The following KAZN variants were observed in gnomAD, a reference collection of about 807,000 sequenced individuals.
The protein encoded by KAZN is kazrin.
Under a neutral mutation model 87.4 loss-of-function variants are expected in KAZN, and 40 were observed. The ratio of observed to expected loss-of-function variants is 0.46; its 90% CI spans 0.36 to 0.60. KAZN has a LOEUF of 0.60. Among genes scored for constraint, KAZN ranks in the 20% least tolerant of loss-of-function variants. The probability of loss-of-function intolerance (pLI) is 0.00; values close to 1 mark genes in which losing one functional copy is unlikely to be tolerated. For synonymous variants in KAZN, 466 were observed against 458.3 expected, an observed-to-expected ratio of 1.02 and a Z score of -0.22; for missense variants, 898 against 1,073.9, an observed-to-expected ratio of 0.84 and a Z score of 2.29.
chr1:14,561,852 C>T (rs1201597088), intron 2 of KAZN, among the ~76,000 whole-genome samples: 4 of 151,468 alleles, frequency 2.6e-5, no homozygotes, highest in African/African-American at 7.3e-5. Context: ...TGCAGTGAGC[C>T]GAGATCGTGC....
intron 8 of KAZN, among the ~76,000 whole-genome samples, chr1:15,075,970 A>G (rs1639720811): frequency 6.6e-6 from 1 of 152,150 alleles, no homozygotes; most frequent in South Asian, 2.1e-4. Context: ...TTTCCCTGGG[A>G]CAGGCCAGAG....
chr1:15,090,044 A>G (rs529874416), intron 8 of KAZN, among the ~76,000 whole-genome samples: 84 of 152,332 alleles, frequency 5.5e-4, no homozygotes, highest in African/African-American at 2.0e-3. Flanking sequence ...TCATCCTGGT[A>G]TCTGCAACTT....
intron 1 of KAZN, among the ~76,000 whole-genome samples, chr1:14,694,235 C>G (rs1259902645): frequency 6.6e-6 from 1 of 152,242 alleles, no homozygotes; most frequent in African/African-American, 2.4e-5. Context: ...GAGATCAACT[C>G]AGGCAGCTCC....
intron 1 of KAZN, among the ~76,000 whole-genome samples, chr1:14,035,790 G>A (rs1377132980): frequency 6.6e-6 from 1 of 151,958 alleles, no homozygotes; most frequent in Non-Finnish European, 1.5e-5. Flanking sequence ...TGCCATTCCT[G>A]TAGGGGTTTT....
intron 2 of KAZN, among the ~76,000 whole-genome samples, chr1:15,006,992 G>A (rs1028343314): frequency 6.8e-6 from 1 of 146,044 alleles, no homozygotes; most frequent in Non-Finnish European, 1.5e-5. Context: ...GGGAGGCGGA[G>A]CTTGCAGTGA....
chr1:14,461,076 C>A (rs147076185), intron 2 of KAZN, among the ~76,000 whole-genome samples: 4 of 152,232 alleles, frequency 2.6e-5, no homozygotes, highest in Non-Finnish European at 4.4e-5. Flanking sequence ...GTTTTGGAGC[C>A]TTGTGAAATT....
At chr1:14,693,566 T>C (rs1284648392) in intron 1 of KAZN, among the ~76,000 whole-genome samples, 1 of 152,198 alleles carries the variant, frequency 6.6e-6, no homozygotes, top group Non-Finnish European at 1.5e-5. Flanking sequence ...CCACTGCTGG[T>C]ATAGAAACTT....
intron 1 of KAZN, among the ~76,000 whole-genome samples, chr1:14,051,224 A>G (rs1642313838): frequency 6.6e-6 from 1 of 152,142 alleles, no homozygotes; most frequent in Non-Finnish European, 1.5e-5. Flanking sequence ...TCAAGGGTGG[A>G]GATAAGGAAT....
At chr1:14,554,057 C>T (rs1190017867) in intron 2 of KAZN, among the ~76,000 whole-genome samples, 1 of 152,160 alleles carries the variant, frequency 6.6e-6, no homozygotes, top group African/African-American at 2.4e-5. Context: ...AGACAGACCT[C>T]AGCTGAGTCC....
At chr1:14,360,816 G>A (rs772618242) in intron 2 of KAZN, among the ~76,000 whole-genome samples, 10 of 152,170 alleles carry the variant, frequency 6.6e-5, no homozygotes, top group East Asian at 3.9e-4. Context: ...TGGAAGCTTC[G>A]TCCCAGAGGG....
chr1:14,570,432 T>C (rs1225317207), intron 2 of KAZN, among the ~76,000 whole-genome samples: 1 of 152,206 alleles, frequency 6.6e-6, no homozygotes, highest in Non-Finnish European at 1.5e-5. Context: ...TCACCACTGA[T>C]CGACTTTCTG....
Position 15,104,204 on chromosome 1 carries a change from G to A in KAZN, c.2048+15G>A, listed in dbSNP as rs1557802348. 3 of 1,560,816 alleles carry A rather than the reference G, an allele frequency of 1.9e-6. No individual in the cohort carries two copies. Among genetic ancestry groups the A allele is most frequent in the Non-Finnish European group, 2.6e-6 (3 of 1,152,586 alleles). The stretch of plus-strand genomic sequence containing the variant: ...CACCCAGCCAAGTGAGCACGGGCTG[G>A]GATCCAGTCATGTGGGCTGCTGGGT... On this transcript the variant is annotated intron_variant, in intron 13 of 14. Coordinates refer to ENST00000376030, the MANE Select transcript of KAZN (RefSeq NM_201628.3).
chr1:14,802,952 A>G (rs936474724), intron 1 of KAZN, among the ~76,000 whole-genome samples: 1 of 151,958 alleles, frequency 6.6e-6, no homozygotes, highest in African/African-American at 2.4e-5. Flanking sequence ...AAAGCCACCT[A>G]CCTCTCCGAG....
intron 2 of KAZN, among the ~76,000 whole-genome samples, chr1:14,320,998 C>T (rs1377880211): frequency 6.6e-6 from 1 of 151,986 alleles, no homozygotes; most frequent in African/African-American, 2.4e-5. Flanking sequence ...TTTATTTTTG[C>T]TTTAAGGCAT....
chr1:14,330,436 A>C (rs542892884), intron 2 of KAZN, among the ~76,000 whole-genome samples: 41 of 152,304 alleles, frequency 2.7e-4, no homozygotes, highest in African/African-American at 7.7e-4. Context: ...TGAGGAGAAG[A>C]AGCATTTTAC....
intron 4 of KAZN, among the ~76,000 whole-genome samples, chr1:15,047,592 G>A (rs570538430): frequency 1.8e-4 from 27 of 152,154 alleles, no homozygotes; most frequent in Non-Finnish European, 2.9e-4. Flanking sequence ...CCAACATGGC[G>A]AAACCCTGAT....
chr1:14,473,741 A>G (rs1346075924), intron 2 of KAZN, among the ~76,000 whole-genome samples: 1 of 151,788 alleles, frequency 6.6e-6, no homozygotes, highest in Non-Finnish European at 1.5e-5. Flanking sequence ...CCATCTCCAC[A>G]TGTCTATGCC....
intron 1 of KAZN, among the ~76,000 whole-genome samples, chr1:14,792,991 AC>A: frequency 6.6e-6 from 1 of 151,532 alleles, no homozygotes; most frequent in East Asian, 1.9e-4. Context: ...AAAAAAAAAA[AC>A]ATTCAGGACA....
At chr1:14,034,676 T>C (rs574857231) in intron 1 of KAZN, among the ~76,000 whole-genome samples, 1 of 152,324 alleles carries the variant, frequency 6.6e-6, no homozygotes, top group African/African-American at 2.4e-5. Context: ...GTGCAACAGA[T>C]GACCACAGGC....
Sources: gnomAD v4.1 joint callset for allele counts (sites outside exome capture counted in the v4.1 genomes callset) on GRCh38, gnomAD v4.1.1 for gene constraint, MANE v1.5 for transcripts, NCBI Gene and HGNC (gene_info 2026-07-23, HGNC 2026-07-21) for gene names.